Variants in ZNF831 observed in about 807,000 individuals in gnomAD.
ZNF831 encodes the protein chromosome 20 open reading frame 174.
Under a neutral mutation model 95.8 loss-of-function variants are expected in ZNF831, and 59 were observed. That is an observed-to-expected ratio of 0.62 (90% CI 0.50 to 0.77). The LOEUF (loss-of-function observed/expected upper bound fraction) is 0.77, where lower values mean the gene tolerates loss of function less well. Among genes scored for constraint, ZNF831 ranks in the 30% least tolerant of loss-of-function variants. The pLI is 0.00. For missense variants in ZNF831, 2,205 were observed against 2,164.0 expected, an observed-to-expected ratio of 1.02 and a Z score of -0.38; for synonymous variants, 961 against 925.5, an observed-to-expected ratio of 1.04 and a Z score of -0.70.
chr20:59,148,323 C>T (rs986089703), intron 2 of ZNF831, among the ~76,000 whole-genome samples: 2 of 152,092 alleles, frequency 1.3e-5, no homozygotes, highest in Non-Finnish European at 2.9e-5. Flanking sequence ...GGACCAGTGG[C>T]AAAGTCCCTG....
intron 4 of ZNF831, among the ~76,000 whole-genome samples, chr20:59,222,060 C>G (rs1404445564): frequency 6.6e-6 from 1 of 152,244 alleles, no homozygotes; most frequent in Non-Finnish European, 1.5e-5. Flanking sequence ...GACGCCCCCT[C>G]CCTTAACTGC....
Position 59,193,670 on chromosome 20 carries a change from G to A in ZNF831, c.2651G>A (p.Gly884Glu), listed in dbSNP as rs760014752. 8 of 1,613,010 alleles carry A rather than the reference G, an allele frequency of 5.0e-6. No individual in the cohort carries two copies. The highest frequency in any genetic ancestry group is 2.2e-5 in the South Asian group (2 of 91,080). Residue 884 changes from glycine to glutamate, a missense_variant, in exon 2 of 6, where the codon GGA becomes GAA. Physicochemically the swap from Gly to Glu is moderately conservative, Grantham distance 98. Transcript: ENST00000371030. ...RQVGEPLESSGASLAAASVAL... is the reference protein window; with the variant it reads ...RQVGEPLESSEASLAAASVAL... The stretch of plus-strand genomic sequence containing the variant: ...GTGGGCGAGCCTCTGGAGTCCTCTG[G>A]AGCCTCCTTGGCTGCTGCTTCTGTT...
chr20:59,168,635 A>G (rs1196272448), intron 1 of ZNF831, among the ~76,000 whole-genome samples: 1 of 152,044 alleles, frequency 6.6e-6, no homozygotes, highest in African/African-American at 2.4e-5. Context: ...CTTCTGAATG[A>G]GAGTGATGAG....
chr20:59,221,085 T>C (rs750643200), intron 4 of ZNF831, among the ~76,000 whole-genome samples: 2 of 152,164 alleles, frequency 1.3e-5, no homozygotes, highest in Admixed American at 6.5e-5. Flanking sequence ...ACTGTGAAAG[T>C]GCTGTGTGAA....
At position 59,191,183 on chromosome 20, in the gene ZNF831, T is replaced by C; in HGVS notation, c.164T>C (p.Leu55Pro). ...GGCCTGGCCCCCCCCACTGTGTTCC[T>C]GAAGGCCCTGCCCATCCCACTGTAC... is the stretch of plus-strand genomic sequence containing the variant. ...EQGLAPPTVF[L>P]KALPIPLYHT... The change falls in exon 2 of 6, where the codon CTG becomes CCG. Residue 55 changes from leucine (L) to proline (P), a missense_variant. By Grantham distance (98) the Leu-to-Pro change is moderately conservative. Coordinates refer to ENST00000371030, the MANE Select transcript of ZNF831 (RefSeq NM_178457.3). The C allele has an allele frequency of 6.3e-7, 1 of 1,597,674 alleles. No homozygotes were observed. Among genetic ancestry groups the C allele is most frequent in the East Asian group, 2.2e-5 (1 of 44,746 alleles).
At chr20:59,211,912 T>C (rs1487803659) in intron 4 of ZNF831, among the ~76,000 whole-genome samples, 1 of 152,150 alleles carries the variant, frequency 6.6e-6, no homozygotes. Context: ...CCCAAAGGGC[T>C]GTAACTTGGG....
intron 1 of ZNF831, among the ~76,000 whole-genome samples, chr20:59,166,061 T>G (rs556715059): frequency 1.3e-5 from 2 of 152,328 alleles, no homozygotes; most frequent in African/African-American, 4.8e-5. Flanking sequence ...CCCTTGTAGT[T>G]TCTTTATGAT....
intron 4 of ZNF831, among the ~76,000 whole-genome samples, chr20:59,210,079 C>G (rs984875941): frequency 6.6e-6 from 1 of 152,190 alleles, no homozygotes; most frequent in East Asian, 1.9e-4. Flanking sequence ...TGTGAACCAA[C>G]AGAAGTGGCC....
chr20:59,124,587 G>A lies in ZNF831; in HGVS notation c.-1425+1082G>A, dbSNP rs545019920. Reference sequence around the variant, plus strand: ...CTGTGCAGTGGGGCCAGACGCCTCCGTGGGTACAGCATGTCCAGGATCGTT... The same window carrying A: ...CTGTGCAGTGGGGCCAGACGCCTCCATGGGTACAGCATGTCCAGGATCGTT... On this transcript the variant is annotated intron_variant, in intron 1 of 7. Transcript: ENST00000637017. Among the ~76,000 whole-genome samples the A allele has an allele frequency of 4.6e-5, 7 of 152,282 alleles. No individual in the cohort carries two copies. The South Asian group carries it at 6.2e-4, about 14-fold the overall frequency.
intron 1 of ZNF831, among the ~76,000 whole-genome samples, chr20:59,144,545 G>A (rs1238623294): frequency 6.6e-6 from 1 of 152,190 alleles, no homozygotes; most frequent in Non-Finnish European, 1.5e-5. Context: ...AAAAATCACT[G>A]TTGGTTGAGA....
In ZNF831 at chr20:59,254,153, C is replaced by T. The variant is rs1173428796; in HGVS notation, c.4444C>T (p.Pro1482Ser). The change falls in exon 6 of 6, where the codon CCC becomes TCC. Residue 1482 changes from proline (P) to serine (S), a missense_variant. By Grantham distance (74) the Pro-to-Ser change is moderately conservative (BLOSUM62 -1). Transcript: ENST00000371030. The surrounding 1 kb of genome is among the most constrained non-coding windows in gnomAD (Gnocchi z 4.5). ...TTCCTTTGGGTCCAAAGGAACTTTTCCCCACCATGACATTGCTACCTCTGT... is the reference window on the plus strand; with the variant it reads ...TTCCTTTGGGTCCAAAGGAACTTTTTCCCACCATGACATTGCTACCTCTGT... Reference protein sequence around the residue: ...PSSFGSKGTFPHHDIATSVAA... With the variant: ...PSSFGSKGTFSHHDIATSVAA... The T allele has an allele frequency of 1.9e-6, 3 of 1,614,108 alleles. No homozygotes were observed. The highest frequency in any genetic ancestry group is 1.7e-6 in the Non-Finnish European group (2 of 1,180,012).
chr20:59,235,149 A>G (rs1174540731), intron 4 of ZNF831, among the ~76,000 whole-genome samples: 3 of 152,080 alleles, frequency 2.0e-5, no homozygotes, highest in Non-Finnish European at 4.4e-5. Context: ...TATTTTCCTC[A>G]TGATGAGTCT....
rs1366556593 is a variant in ZNF831, at chr20:59,208,343, A to G, written c.4027+1287A>G. 6.6e-6 allele frequency among the ~76,000 whole-genome samples: 1 copy of G among 151,904 alleles called. No individual in the cohort carries two copies. Among genetic ancestry groups the G allele is most frequent in the East Asian group, 1.9e-4 (1 of 5,144 alleles). ...ATCTCAGGGCTAAATGCTGGTCTGT[A>G]CCACCAGGACAAGAGGATGTCTCCC... On this transcript the variant is annotated intron_variant, in intron 4 of 5. Coordinates refer to ENST00000371030, the MANE Select transcript of ZNF831 (RefSeq NM_178457.3). This position sits in a 1 kb window ranked among gnomAD's most constrained non-coding sequence, Gnocchi z 4.2.
At chr20:59,130,974 AG>A (rs1339228879) in intron 1 of ZNF831, among the ~76,000 whole-genome samples, 1 of 152,132 alleles carries the variant, frequency 6.6e-6, no homozygotes, top group Non-Finnish European at 1.5e-5. Context: ...GTGAGGCCTG[AG>A]TAAATGGGCG....
At position 59,193,864 on chromosome 20, in the gene ZNF831, G is replaced by A. The variant is rs568943919; in HGVS notation, c.2845G>A (p.Glu949Lys). The A allele has an allele frequency of 1.9e-6, 3 of 1,612,972 alleles. No homozygotes were observed. Among genetic ancestry groups the A allele is most frequent in the Middle Eastern group, 1.7e-4 (1 of 6,056 alleles). The stretch of plus-strand genomic sequence containing the variant: ...GTACCTCCTCAGGTTACCTCAGGCA[G>A]AGACCCCCTTACCACTGCCCATTCC... The part of the protein sequence containing the change: ...PKYLLRLPQA[E>K]TPLPLPIPWG... The change falls in exon 2 of 6, where the codon GAG (glutamate) becomes AAG (lysine). Residue 949 changes from glutamate (E) to lysine (K), a missense_variant. Transcript: ENST00000371030.
At chr20:59,246,885 A>G (rs1222516140) in intron 4 of ZNF831, among the ~76,000 whole-genome samples, 1 of 152,194 alleles carries the variant, frequency 6.6e-6, no homozygotes, top group Non-Finnish European at 1.5e-5. Context: ...GTGCAGCTGA[A>G]GTCGGAGCTG....
chr20:59,205,072 A>G (rs1413480730), intron 3 of ZNF831, among the ~76,000 whole-genome samples: 1 of 152,036 alleles, frequency 6.6e-6, no homozygotes, highest in Non-Finnish European at 1.5e-5. Context: ...GCGTGAGGAG[A>G]AAGACCCCCG....
intron 4 of ZNF831, among the ~76,000 whole-genome samples, chr20:59,211,982 T>A (rs1985368148): frequency 7.5e-6 from 1 of 132,640 alleles, no homozygotes; most frequent in African/African-American, 2.8e-5. Flanking sequence ...TGGAGGTGGG[T>A]GGGATTTCTC....
intron 1 of ZNF831, among the ~76,000 whole-genome samples, chr20:59,175,757 A>C (rs553953344): frequency 6.6e-6 from 1 of 152,292 alleles, no homozygotes; most frequent in African/African-American, 2.4e-5. Flanking sequence ...GCATCTGTGC[A>C]TTGTCTTTTT....
Sources: gnomAD v4.1 joint callset for allele counts (sites outside exome capture counted in the v4.1 genomes callset) on GRCh38, gnomAD v4.1.1 for gene constraint, Gnocchi (gnomAD v3.1) non-coding constraint, MANE v1.5 for transcripts, NCBI Gene and HGNC (gene_info 2026-07-23, HGNC 2026-07-21) for gene names.